Variants in AMMECR1 observed in about 807,000 individuals in gnomAD.
The protein encoded by AMMECR1 is nuclear protein AMMECR1.
A neutral mutation model predicts 22.5 loss-of-function variants in AMMECR1; 3 were observed. That is an observed-to-expected ratio of 0.13 (90% confidence interval 0.06 to 0.35). AMMECR1 has a LOEUF of 0.35. Ranked by LOEUF, AMMECR1 falls within the 10% of genes least tolerant of loss-of-function variation. The pLI, the probability that AMMECR1 is intolerant of heterozygous loss-of-function variation, is 1.00. For synonymous variants in AMMECR1, 130 were observed against 116.7 expected (o/e 1.11, Z -0.74); for missense variants, 235 against 278.7 (o/e 0.84, Z 1.12).
intron 3 of AMMECR1, among the ~76,000 whole-genome samples, chrX:110,211,942 T>G (rs763348011): frequency 1.2e-3 from 137 of 111,955 alleles, no homozygotes; most frequent in African/African-American, 4.0e-3. Flanking sequence ...TTAAATGTTA[T>G]AATTACTATT....
intron 1 of AMMECR1, among the ~76,000 whole-genome samples, chrX:110,270,957 C>A (rs1173331124): frequency 8.9e-6 from 1 of 111,921 alleles, no homozygotes; most frequent in Non-Finnish European, 1.9e-5. Context: ...TTAAGTAGTT[C>A]ATATTATAGA....
intron 2 of AMMECR1, among the ~76,000 whole-genome samples, chrX:110,350,543 G>A (rs985952324): frequency 3.5e-4 from 39 of 111,916 alleles, no homozygotes; most frequent in African/African-American, 1.2e-3. Flanking sequence ...CTTATACATA[G>A]AAAACCCTAA....
chrX:110,273,819 G>A (rs1334492740), intron 1 of AMMECR1, among the ~76,000 whole-genome samples: 3 of 111,811 alleles, frequency 2.7e-5, no homozygotes, highest in Non-Finnish European at 5.6e-5. Flanking sequence ...GTTCACTATT[G>A]TGTTCCACTG....
chrX:110,388,163 C>A (rs778763199), intron 2 of AMMECR1, among the ~76,000 whole-genome samples: 2 of 111,845 alleles, frequency 1.8e-5, no homozygotes, highest in South Asian at 7.5e-4. Context: ...CACCGCCCAG[C>A]CTGATCATTA....
At position 110,317,955 on chromosome X, in the gene AMMECR1, G is replaced by C; in HGVS notation, c.117C>G (p.Cys39Trp). ...SSSHCSGESQ[C>W]RAGELGLGGA... The stretch of plus-strand genomic sequence containing the variant: ...CTCCTAGTCCCAGCTCCCCAGCTCG[G>C]CACTGGCTCTCTCCGCTGCAGTGGG... The change falls in exon 1 of 6, where the codon TGC becomes TGG. Residue 39 changes from cysteine (C) to tryptophan (W), a missense_variant. Physicochemically the swap from Cys to Trp is radical, Grantham distance 215 (BLOSUM62 -2). Coordinates refer to ENST00000262844, the MANE Select transcript of AMMECR1 (RefSeq NM_015365.3). 8.3e-7 allele frequency: 1 copy of C among 1,199,652 alleles called. No individual in the cohort carries two copies. Among genetic ancestry groups the C allele is most frequent in the Non-Finnish European group, 1.1e-6 (1 of 889,609 alleles).
chrX:110,220,801 T>C (rs2067496227), intron 2 of AMMECR1, among the ~76,000 whole-genome samples: 2 of 111,966 alleles, frequency 1.8e-5, no homozygotes, highest in African/African-American at 6.5e-5. Flanking sequence ...TAATGTTATA[T>C]AGTACTTTAA....
At chrX:110,270,375 CAA>C (rs759493302) in intron 1 of AMMECR1, among the ~76,000 whole-genome samples, 2 of 111,369 alleles carry the variant, frequency 1.8e-5, no homozygotes, top group Non-Finnish European at 3.8e-5. Flanking sequence ...AGGTGAAAAA[CAA>C]AAAGAGATCC....
intron 2 of AMMECR1, among the ~76,000 whole-genome samples, chrX:110,245,200 C>T (rs1265802345): frequency 8.9e-6 from 1 of 112,081 alleles, no homozygotes; most frequent in African/African-American, 3.2e-5. Context: ...CACTTAATTT[C>T]TAAGTCTGAC....
chrX:110,201,468 G>A (rs1344394292), intron 4 of AMMECR1, among the ~76,000 whole-genome samples: 3 of 111,711 alleles, frequency 2.7e-5, no homozygotes, highest in Non-Finnish European at 5.7e-5. Context: ...AGTAATTGTT[G>A]TTCCTTATGG....
At chrX:110,330,145 A>T (rs2068114927) in intron 2 of AMMECR1, among the ~76,000 whole-genome samples, 1 of 111,774 alleles carries the variant, frequency 8.9e-6, no homozygotes, top group African/African-American at 3.2e-5. Context: ...GATTTCCCAC[A>T]GCAGCTGTTT....
chrX:110,364,935 G>A (rs1030953246), intron 2 of AMMECR1, among the ~76,000 whole-genome samples: 1 of 112,051 alleles, frequency 8.9e-6, no homozygotes, highest in African/African-American at 3.2e-5. Context: ...CAGGTCACAA[G>A]GAAGATGTCT....
At chrX:110,405,875 C>A (rs2068597521) in intron 2 of AMMECR1, among the ~76,000 whole-genome samples, 1 of 111,673 alleles carries the variant, frequency 9.0e-6, no homozygotes, top group African/African-American at 3.3e-5. Context: ...CTTGTAAAGT[C>A]AAACAGTCTC....
chrX:110,433,444 G>T (rs1254964390), intron 1 of AMMECR1, among the ~76,000 whole-genome samples: 1 of 111,664 alleles, frequency 9.0e-6, no homozygotes, highest in Non-Finnish European at 1.9e-5. Flanking sequence ...GGTAGGAGAG[G>T]ATGGGAGGAT....
chrX:110,341,720 G>A (rs1210968175), intron 2 of AMMECR1, among the ~76,000 whole-genome samples: 1 of 112,083 alleles, frequency 8.9e-6, no homozygotes, highest in Non-Finnish European at 1.9e-5. Flanking sequence ...CAAGAGTAGT[G>A]AGGCTGGAAA....
chrX:110,203,304 A>G (rs753820829), intron 3 of AMMECR1, among the ~76,000 whole-genome samples: 1 of 111,921 alleles, frequency 8.9e-6, no homozygotes, highest in South Asian at 3.7e-4. Flanking sequence ...GCTTGTGGTG[A>G]TGCCCTTAAA....
chrX:110,387,068 A>G (rs1156703120), intron 2 of AMMECR1, among the ~76,000 whole-genome samples: 2 of 112,283 alleles, frequency 1.8e-5, no homozygotes, highest in African/African-American at 6.5e-5. Flanking sequence ...AGCTTTAAGG[A>G]GAAGGGATCT....
chrX:110,419,870 T>C (rs2068704658), intron 2 of AMMECR1, among the ~76,000 whole-genome samples: 1 of 112,381 alleles, frequency 8.9e-6, no homozygotes, highest in East Asian at 2.8e-4. Flanking sequence ...TTTTATTGGG[T>C]ATTTACTATG....
rs140255423 is a variant in AMMECR1 at position 110,411,026 on chromosome X, G to C, written c.-148+15632C>G. Among the ~76,000 whole-genome samples, 1,058 of 112,596 alleles carry C rather than the reference G, an allele frequency of 9.4e-3. 13 individuals carry two copies. The highest frequency in any genetic ancestry group is 0.032 in the African/African-American group (990 of 31,032). On this transcript the variant is annotated intron_variant, in intron 2 of 7. Transcript: ENST00000372057. ...CTTCTGTGTCCAAAGCTGCCTTAAT[G>C]TGAGGTATTTCAGCAGCGATCAGCA...
chrX:110,435,219 C>T (rs2148335290), intron 1 of AMMECR1, among the ~76,000 whole-genome samples: 1 of 110,729 alleles, frequency 9.0e-6, no homozygotes, highest in East Asian at 2.9e-4. Flanking sequence ...CTCATGCCTG[C>T]ACAGGGGCCA....
Sources: allele counts gnomAD v4.1 joint callset (sites outside exome capture counted in the v4.1 genomes callset), GRCh38; gene constraint gnomAD v4.1.1; transcripts MANE v1.5; gene names NCBI Gene and HGNC (gene_info 2026-07-23, HGNC 2026-07-21).